ITGAD: variants seen among roughly 807,000 people sequenced by gnomAD.
The protein encoded by ITGAD is integrin subunit alpha D.
ITGAD carries 105 observed loss-of-function variants against 139.0 expected under a neutral mutation model. The observed-to-expected ratio is 0.76, with a 90% CI of 0.65 to 0.89. ITGAD has a LOEUF of 0.89. Among genes scored for constraint, ITGAD ranks in the 40% least tolerant of loss-of-function variants. The pLI, the probability that ITGAD is intolerant of heterozygous loss-of-function variation, is 0.00. For synonymous variants in ITGAD, 569 were observed against 598.3 expected, an observed-to-expected ratio of 0.95 and a Z score of 0.71; for missense variants, 1,384 against 1,487.3, an observed-to-expected ratio of 0.93 and a Z score of 1.14.
chr16:31,410,963 A>T, intron 12 of ITGAD, 85 bp downstream of exon 12: 1 of 1,591,086 alleles, frequency 6.3e-7, no homozygotes, highest in South Asian at 1.1e-5. Flanking sequence ...GAGAGGATGG[A>T]GGGGCTTTGG....
chr16:31,414,669 C>G, intron 17 of ITGAD, 64 bp downstream of exon 17: 1 of 1,599,748 alleles, frequency 6.3e-7, no homozygotes. Context: ...TGGAGCACCC[C>G]CGTTCTCTGC....
At chr16:31,399,044 C>T (rs185106021) in intron 5 of ITGAD, among the ~76,000 whole-genome samples, 5 of 152,278 alleles carry the variant, frequency 3.3e-5, no homozygotes, top group African/African-American at 4.8e-5. Context: ...GCGGAAAATG[C>T]GATGTGCAAT....
chr16:31,416,747 G>GCT (rs148435864), intron 20 of ITGAD, 101 bp downstream of exon 20: 551 of 1,062,658 alleles, frequency 5.2e-4, no homozygotes, highest in Admixed American at 5.9e-4. Flanking sequence ...GATGATATGT[G>GCT]CTCTCTCTCT....
rs78388385 is a variant in ITGAD, at chr16:31,421,269, C to G, written c.2781-1845C>G. 6.3e-3 allele frequency among the ~76,000 whole-genome samples: 959 copies of G among 152,110 alleles called. 9 individuals carry two copies. Among genetic ancestry groups the G allele is most frequent in the African/African-American group, 0.022 (912 of 41,532 alleles). On this transcript the variant is annotated intron_variant, in intron 23 of 29. Transcript: ENST00000389202. ...GCCCATGGCCATACATGGCATGCCTCTCCAAGGACTGGGGAAAGCTGGGTG... is the reference window on the plus strand; with the variant it reads ...GCCCATGGCCATACATGGCATGCCTGTCCAAGGACTGGGGAAAGCTGGGTG...
At chr16:31,395,814 C>A (rs1406251514) in intron 2 of ITGAD, among the ~76,000 whole-genome samples, 1 of 151,974 alleles carries the variant, frequency 6.6e-6, no homozygotes, top group Non-Finnish European at 1.5e-5. Context: ...GCAGTGAGCC[C>A]CAGTGGACAG....
chr16:31,410,487 G>T lies in ITGAD; in HGVS notation c.1176G>T (p.Met392Ile), dbSNP rs1451585075. Residue 392 changes from methionine (M) to isoleucine (I), a missense_variant, in exon 11 of 30, where the codon ATG becomes ATT. Transcript: ENST00000389202. The stretch of plus-strand genomic sequence containing the variant: ...ATATGAGCCCCACCTTCATCAACAT[G>T]TCTCAGGAGAATGTGGACATGAGGG... ...PPNMSPTFIN[M>I]SQENVDMRDS... is the part of the protein sequence containing the mutation. 3 of 1,613,706 alleles carry T rather than the reference G, an allele frequency of 1.9e-6. No individual in the cohort carries two copies. The African/African-American group carries it at 4.0e-5, about 22-fold the overall frequency.
chr16:31,423,691 C>A, intron 26 of ITGAD, 43 bp downstream of exon 26: 1 of 1,574,720 alleles, frequency 6.4e-7, no homozygotes, highest in South Asian at 1.1e-5. Context: ...TCAGCCCCCA[C>A]CGGGGATACT....
rs1392393892 is a variant in ITGAD, at chr16:31,423,668, C to T, written c.3045+20C>T. 2 of 1,606,352 alleles carry T rather than the reference C, an allele frequency of 1.2e-6. No individual in the cohort carries two copies. Among genetic ancestry groups the T allele is most frequent in the Admixed American group, 1.7e-5 (1 of 59,846 alleles). ...ATGCTGGTGAGAAAGTCCCTGAACC[C>T]CCACCGCCAAGATCAGCCCCCACCG... is the stretch of plus-strand genomic sequence containing the variant. On this transcript the variant is annotated intron_variant, in intron 26 of 29. Transcript: ENST00000389202.
chr16:31,423,529 A>C (rs567176258), intron 25 of ITGAD, 42 bp from the exon 26 acceptor site: 2 of 1,602,764 alleles, frequency 1.2e-6, no homozygotes, highest in Admixed American at 1.7e-5. Context: ...TACCAGGGAC[A>C]TGTTGCTCAT....
chr16:31,398,767 A>G (rs2081335236), intron 5 of ITGAD, among the ~76,000 whole-genome samples: 1 of 152,144 alleles, frequency 6.6e-6, no homozygotes. Flanking sequence ...GACAGGCATG[A>G]GTCCTTGTGC....
Position 31,403,975 on chromosome 16 carries a change from G to A in ITGAD, c.704+330G>A, listed in dbSNP as rs1291987365. Reference sequence around the variant, plus strand: ...TCAGGCTCCCATCCTGGCTCCCCGTGAGCTACTCTGGGTGTAACCCTGGGG... The same window carrying A: ...TCAGGCTCCCATCCTGGCTCCCCGTAAGCTACTCTGGGTGTAACCCTGGGG... On this transcript the variant is annotated intron_variant, in intron 7 of 29. Coordinates refer to ENST00000389202, the MANE Select transcript of ITGAD (RefSeq NM_005353.3). This position sits in a 1 kb window ranked among gnomAD's most constrained non-coding sequence, Gnocchi z 4.4. 3 of 348,116 alleles carry A rather than the reference G, an allele frequency of 8.6e-6. No homozygotes were observed. The highest frequency in any genetic ancestry group is 1.1e-5 in the Non-Finnish European group (2 of 183,222). 21.6% of individuals were successfully genotyped at this position (348,116 alleles called of 1,614,324 possible). A position where few individuals can be genotyped will look rare whatever the true frequency, so the allele number is the denominator to read the frequency against.
Position 31,407,772 on chromosome 16 carries a change from C to T in ITGAD, c.865C>T (p.His289Tyr), listed in dbSNP as rs772674315. ...GIIRYAIGVGHAFQGPTARQE... is the reference protein window; with the variant it reads ...GIIRYAIGVGYAFQGPTARQE... ...GGCTGTCTCTCTGCTGCAGGTGGGA[C>T]ACGCTTTCCAGGGACCCACTGCCAG... Residue 289 changes from histidine to tyrosine, a missense_variant, in exon 9 of 30, where the codon CAC becomes TAC. Transcript: ENST00000389202. The T allele has an allele frequency of 2.0e-5, 33 of 1,613,876 alleles. No homozygotes were observed. The South Asian group carries it at 3.6e-4, about 18-fold the overall frequency.
At chr16:31,420,660 C>T (rs1428213779) in intron 23 of ITGAD, among the ~76,000 whole-genome samples, 3 of 152,112 alleles carry the variant, frequency 2.0e-5, no homozygotes, top group South Asian at 2.1e-4. Context: ...CTGAAATCTC[C>T]GCCTCCCAGG....
chr16:31,397,482 T>C lies in ITGAD; in HGVS notation c.241+20T>C, dbSNP rs774087170. On this transcript the variant is annotated intron_variant, in intron 3 of 29. Transcript: ENST00000389202. ...TGCACAGTGAGTGACCACCTGGGAATTGGGCCCCTCAACCCTCCTGGACCC... is the reference window on the plus strand; with the variant it reads ...TGCACAGTGAGTGACCACCTGGGAACTGGGCCCCTCAACCCTCCTGGACCC... 1.9e-6 allele frequency: 3 copies of C among 1,583,234 alleles called. No homozygotes were observed. Among genetic ancestry groups the C allele is most frequent in the African/African-American group, 2.7e-5 (2 of 74,488 alleles).
rs1423768228 is a variant in ITGAD, at chr16:31,426,203, C to A, written c.*75C>A. On this transcript the variant is annotated 3_prime_UTR_variant, in exon 30 of 30. Coordinates refer to ENST00000389202, the MANE Select transcript of ITGAD (RefSeq NM_005353.3). ...AACCATAAATCAACTTACATGGAAA[C>A]AACTTCTGCATAGATCTGCACTGGC... The A allele has an allele frequency of 1.4e-5, 14 of 977,318 alleles. No individual in the cohort carries two copies. In the Admixed American group the frequency reaches 2.6e-4, roughly 18 times the overall value. The allele number at this position is 977,318 out of a possible 1,614,324, so 60.5% of individuals were successfully genotyped here.
At chr16:31,393,876 A>G (rs2081198468) in intron 1 of ITGAD, among the ~76,000 whole-genome samples, 1 of 152,118 alleles carries the variant, frequency 6.6e-6, no homozygotes, top group Non-Finnish European at 1.5e-5. Context: ...CATGCTTATA[A>G]TCCCAGCACT....
At position 31,397,815 on chromosome 16, in the gene ITGAD, CAG is replaced by C. The variant is rs1346771592; in HGVS notation, c.336_337del (p.Arg112SerfsTer44). The C allele has an allele frequency of 2.5e-6, 4 of 1,613,530 alleles. No individual in the cohort carries two copies. Among genetic ancestry groups the C allele is most frequent in the South Asian group, 1.1e-5 (1 of 91,058 alleles). On this transcript the variant is annotated frameshift_variant, in exon 5 of 30. Transcript: ENST00000389202. LOFTEE classifies it high-confidence loss of function. The part of the protein sequence containing the change: ...RLLACGPTLH[R>X]VCGENSYSKG... Reference sequence around the variant, plus strand: ...TCCAGGCCTGTGGCCCGACCCTGCACAGAGTCTGTGGGGAGAACTCATACTCA... The same window carrying C: ...TCCAGGCCTGTGGCCCGACCCTGCACAGTCTGTGGGGAGAACTCATACTCA...
At chr16:31,413,310 G>A in intron 16 of ITGAD, 64 bp downstream of exon 16, 1 of 1,530,820 alleles carries the variant, frequency 6.5e-7, no homozygotes. Context: ...ATGCCATCCT[G>A]AGGATGGGAT....
At position 31,418,090 on chromosome 16, in the gene ITGAD, AGTGCCCTGCGCCTGGCAT is replaced by A. The variant is rs1382081200; in HGVS notation, c.2519_2536del (p.Ala840_Cys845del). The A allele has an allele frequency of 1.1e-5, 17 of 1,613,962 alleles. No individual in the cohort carries two copies. The Admixed American group carries it at 2.8e-4, about 27-fold the overall frequency. On this transcript the variant is annotated inframe_deletion, in exon 21 of 30. Coordinates refer to ENST00000389202, the MANE Select transcript of ITGAD (RefSeq NM_005353.3). ...CCTCCCCTAGAAGCAGCCCCATCAG[AGTGCCCTGCGCCTGGCAT>A]GTGAGACAGTGCCCACTGAGGATGA...
Sources: allele counts gnomAD v4.1 joint callset (sites outside exome capture counted in the v4.1 genomes callset), GRCh38; gene constraint gnomAD v4.1.1; non-coding constraint Gnocchi (gnomAD v3.1); transcripts MANE v1.5; gene names NCBI Gene and HGNC (gene_info 2026-07-23, HGNC 2026-07-21).